Variants in CNTNAP2 observed in about 807,000 individuals in gnomAD.
CNTNAP2 encodes contactin-associated protein-like 2.
CNTNAP2 carries 98 observed loss-of-function variants against 155.2 expected under a neutral mutation model. That is an observed-to-expected ratio of 0.63 (90% CI 0.54 to 0.75). CNTNAP2 has a LOEUF of 0.75. Among genes scored for constraint, CNTNAP2 ranks in the 30% least tolerant of loss-of-function variants. The pLI is 0.00. For missense variants in CNTNAP2, 1,727 were observed against 1,688.1 expected, an observed-to-expected ratio of 1.02 and a Z score of -0.40; for synonymous variants, 651 against 631.2, an observed-to-expected ratio of 1.03 and a Z score of -0.47.
chr7:146,618,973 G>A (rs1462108179), intron 1 of CNTNAP2, among the ~76,000 whole-genome samples: 1 of 151,840 alleles, frequency 6.6e-6, no homozygotes, highest in Admixed American at 6.6e-5. Context: ...GGGAGGCTGA[G>A]GTAGGAGAAT....
chr7:147,467,665 A>G (rs890904226), intron 10 of CNTNAP2, among the ~76,000 whole-genome samples: 1 of 152,238 alleles, frequency 6.6e-6, no homozygotes, highest in Admixed American at 6.5e-5. Context: ...CCCACTAAAT[A>G]CAAATAAGTA....
rs200883860 is a variant in CNTNAP2, at chr7:147,248,979, G to GA, written c.1349-51154dup. Among the ~76,000 whole-genome samples, 1,102 of 151,696 alleles carry GA rather than the reference G, an allele frequency of 7.3e-3. 14 individuals are homozygous for GA. Among genetic ancestry groups the GA allele is most frequent in the African/African-American group, 0.025 (1,047 of 41,382 alleles). ...AATGGTCCACTGATCTATGGGAGAA[G>GA]AAAAAAAACTTGATATTTAAGCATT... On this transcript the variant is annotated intron_variant, in intron 8 of 23. Coordinates refer to ENST00000361727, the MANE Select transcript of CNTNAP2 (RefSeq NM_014141.6).
chr7:147,618,245 T>A (rs1235110639), intron 12 of CNTNAP2, among the ~76,000 whole-genome samples: 1 of 152,212 alleles, frequency 6.6e-6, no homozygotes, highest in African/African-American at 2.4e-5. Flanking sequence ...AAAGATCTAA[T>A]GCCACCTGTG....
chr7:146,989,919 A>AT (rs5888230), intron 3 of CNTNAP2, among the ~76,000 whole-genome samples: 4,355 of 149,838 alleles, frequency 0.029, 69 homozygotes, highest in Non-Finnish European at 0.033. Flanking sequence ...AGTGCCATTG[A>AT]TTTTTTTTTT....
chr7:148,155,097 A>C (rs1174496762), intron 17 of CNTNAP2, among the ~76,000 whole-genome samples: 1 of 152,130 alleles, frequency 6.6e-6, no homozygotes, highest in Admixed American at 6.5e-5. Context: ...GCTTCCCCTC[A>C]ATGAGTCCAC....
At chr7:147,802,063 G>A (rs1441152864) in intron 13 of CNTNAP2, among the ~76,000 whole-genome samples, 2 of 143,668 alleles carry the variant, frequency 1.4e-5, no homozygotes, top group Non-Finnish European at 3.2e-5. Context: ...CTCAGACGGG[G>A]CAGTTGCCGG....
chr7:146,827,299 G>A (rs1357683985), intron 2 of CNTNAP2, among the ~76,000 whole-genome samples: 1 of 151,788 alleles, frequency 6.6e-6, no homozygotes, highest in Non-Finnish European at 1.5e-5. Flanking sequence ...ACTTGTTCAG[G>A]GTTTGCTACA....
At chr7:146,249,788 A>G (rs893886263) in intron 1 of CNTNAP2, among the ~76,000 whole-genome samples, 2 of 152,356 alleles carry the variant, frequency 1.3e-5, no homozygotes, top group East Asian at 1.9e-4. Context: ...GACAGAAAAC[A>G]TAGCATTTTA....
intron 13 of CNTNAP2, among the ~76,000 whole-genome samples, chr7:147,658,608 G>A (rs1445484839): frequency 6.6e-6 from 1 of 152,148 alleles, no homozygotes; most frequent in African/African-American, 2.4e-5. Flanking sequence ...CCCCTGCAGG[G>A]CTACCAGATG....
At chr7:148,060,857 A>G (rs115834153) in intron 15 of CNTNAP2, among the ~76,000 whole-genome samples, 3 of 152,310 alleles carry the variant, frequency 2.0e-5, no homozygotes, top group African/African-American at 7.2e-5. Context: ...TCTGTCTTTC[A>G]CCAGGCTTGA....
intron 1 of CNTNAP2, among the ~76,000 whole-genome samples, chr7:146,758,041 G>T (rs947299177): frequency 6.6e-6 from 1 of 152,024 alleles, no homozygotes; most frequent in Non-Finnish European, 1.5e-5. Context: ...TAATGACATT[G>T]CTTGCACTTT....
chr7:146,341,023 C>G (rs896045888), intron 1 of CNTNAP2, among the ~76,000 whole-genome samples: 3 of 152,144 alleles, frequency 2.0e-5, no homozygotes, highest in African/African-American at 7.2e-5. Context: ...TAATTCACTA[C>G]GTTTTCTCTT....
intron 3 of CNTNAP2, among the ~76,000 whole-genome samples, chr7:146,872,958 C>G (rs1795344762): frequency 6.6e-6 from 1 of 152,170 alleles, no homozygotes. Context: ...AACATAGCAC[C>G]TGCATTTTTA....
intron 19 of CNTNAP2, among the ~76,000 whole-genome samples, chr7:148,224,470 G>C (rs1229938512): frequency 2.6e-5 from 4 of 152,198 alleles, no homozygotes; most frequent in Non-Finnish European, 5.9e-5. Context: ...AAAAGTGACA[G>C]TGAGTGGTAT....
intron 21 of CNTNAP2, among the ~76,000 whole-genome samples, chr7:148,350,919 A>T (rs1161961244): frequency 6.6e-6 from 1 of 152,166 alleles, no homozygotes; most frequent in Non-Finnish European, 1.5e-5. Flanking sequence ...TGAAATGGGG[A>T]TCCTGCTGAT....
intron 1 of CNTNAP2, among the ~76,000 whole-genome samples, chr7:146,395,486 G>T (rs371438499): frequency 1.3e-5 from 2 of 152,106 alleles, no homozygotes. Context: ...CAGGATGGGG[G>T]TAGGTGAGCC....
In CNTNAP2 at chr7:147,271,402, AAGTCC is replaced by A. The variant is rs556666971; in HGVS notation, c.1349-28734_1349-28730del. Among the ~76,000 whole-genome samples, 151 of 152,316 alleles carry A rather than the reference AAGTCC, an allele frequency of 9.9e-4. 4 individuals are homozygous for A. In the South Asian group the frequency reaches 0.027, roughly 27 times the overall value. ...TGTAAAAACTCTCACAGTCTGGTCC[AAGTCC>A]AGTCTTGTTCCCCAGTTCTCCCTCT... On this transcript the variant is annotated intron_variant, in intron 8 of 23. Transcript: ENST00000361727.
chr7:147,580,763 G>A (rs1199899118), intron 12 of CNTNAP2, among the ~76,000 whole-genome samples: 1 of 152,022 alleles, frequency 6.6e-6, no homozygotes, highest in Admixed American at 6.6e-5. Flanking sequence ...CTACAGGCAT[G>A]TGCCACCGTG....
intron 12 of CNTNAP2, among the ~76,000 whole-genome samples, chr7:147,562,880 A>C (rs1485202212): frequency 6.6e-6 from 1 of 152,216 alleles, no homozygotes; most frequent in Non-Finnish European, 1.5e-5. Context: ...TCCATCAGAC[A>C]CTTGGCAATA....
Sources: allele counts gnomAD v4.1 joint callset (sites outside exome capture counted in the v4.1 genomes callset), GRCh38; gene constraint gnomAD v4.1.1; transcripts MANE v1.5; gene names NCBI Gene and HGNC (gene_info 2026-07-23, HGNC 2026-07-21).